Variants in NAXD observed in about 807,000 individuals in gnomAD.
NAXD encodes the protein ATP-dependent (S)-NAD(P)H-hydrate dehydratase.
Under a neutral mutation model 35.8 loss-of-function variants are expected in NAXD, and 22 were observed. The ratio of observed to expected loss-of-function variants is 0.62; its 90% CI spans 0.44 to 0.88. NAXD has a LOEUF of 0.88. NAXD is among the 40% of genes least tolerant of loss of function. The pLI, the probability that NAXD is intolerant of heterozygous loss-of-function variation, is 0.00. For missense variants in NAXD, 428 were observed against 437.7 expected, an observed-to-expected ratio of 0.98 and a Z score of 0.20; for synonymous variants, 189 against 177.6, an observed-to-expected ratio of 1.06 and a Z score of -0.51.
In NAXD at chr13:110,615,635, G is replaced by A. The variant is rs1886016873; in HGVS notation, c.34G>A (p.Ala12Thr). ...GGGTCCTCGCTGTGGGGCAATCCGG[G>A]CTTGCAGACGAGGTAAGGTCGATTC... ...ALGPRCGAIR[A>T]CRRVLERAFS... The change falls in exon 1 of 10, where the codon GCT becomes ACT. Residue 12 changes from alanine to threonine, a missense_variant. By Grantham distance (58) the Ala-to-Thr change is moderately conservative (BLOSUM62 0). Coordinates refer to ENST00000680254, the MANE Select transcript of NAXD (RefSeq NM_001242882.2). The A allele has an allele frequency of 5.4e-6, 8 of 1,490,052 alleles. No homozygotes were observed. Among genetic ancestry groups the A allele is most frequent in the Non-Finnish European group, 7.1e-6 (8 of 1,125,072 alleles). The allele number at this position is 1,490,052 out of a possible 1,614,324, so 92.3% of individuals were successfully genotyped here.
At chr13:110,626,654 G>A (rs911458984) in intron 4 of NAXD, among the ~76,000 whole-genome samples, 4 of 152,160 alleles carry the variant, frequency 2.6e-5, no homozygotes, top group African/African-American at 9.7e-5. Flanking sequence ...TGAAGCCGCT[G>A]TTTCCAGACA....
chr13:110,637,062 C>T, intron 8 of NAXD, 67 bp from the exon 9 acceptor site: 1 of 1,532,138 alleles, frequency 6.5e-7, no homozygotes, highest in Non-Finnish European at 8.7e-7. Flanking sequence ...CCTTCCACAC[C>T]CGTGGCTACT....
chr13:110,623,729 G>A (rs530868737), intron 2 of NAXD, among the ~76,000 whole-genome samples: 1 of 152,354 alleles, frequency 6.6e-6, no homozygotes, highest in African/African-American at 2.4e-5. Context: ...CTGGCTGGGC[G>A]CGGTGGCTCA....
Position 110,637,964 on chromosome 13 carries a change from T to C in NAXD, c.840-414T>C, listed in dbSNP as rs563235799. ...TTACTGTTCATTCTGCTGTGTTCACTCGAGTTGCCTCCACCCCTCCCCCAG... is the reference window on the plus strand; with the variant it reads ...TTACTGTTCATTCTGCTGTGTTCACCCGAGTTGCCTCCACCCCTCCCCCAG... On this transcript the variant is annotated intron_variant, in intron 9 of 9. Coordinates refer to ENST00000680254, the MANE Select transcript of NAXD (RefSeq NM_001242882.2). Among the ~76,000 whole-genome samples, 8 of 152,042 alleles carry C rather than the reference T, an allele frequency of 5.3e-5. No individual in the cohort carries two copies. In the East Asian group the frequency reaches 1.6e-3, roughly 29 times the overall value.
At chr13:110,625,342 G>A (rs1490254143) in intron 4 of NAXD, 64 bp downstream of exon 4, 3 of 1,117,850 alleles carry the variant, frequency 2.7e-6, no homozygotes, top group Non-Finnish European at 4.1e-6. Context: ...TGGGGTTTTG[G>A]CACTGACACC....
intron 1 of NAXD, among the ~76,000 whole-genome samples, chr13:110,617,982 C>T (rs1886124664): frequency 6.6e-6 from 1 of 152,116 alleles, no homozygotes; most frequent in East Asian, 1.9e-4. Flanking sequence ...TGCCACATTC[C>T]TCGTGGGCAG....
chr13:110,636,260 T>C (rs576305030), intron 8 of NAXD, among the ~76,000 whole-genome samples: 173 of 152,356 alleles, frequency 1.1e-3, no homozygotes, highest in African/African-American at 4.0e-3. Flanking sequence ...TGCTGAGCTG[T>C]GGGGCTGGAC....
At chr13:110,615,881 G>T (rs746458242) in intron 1 of NAXD, 110 of 959,856 alleles carry the variant, frequency 1.1e-4, no homozygotes, top group Non-Finnish European at 1.5e-4. Context: ...GCGGAGTAGG[G>T]AGAGGACGGA....
At chr13:110,624,446 G>A (rs1461525862) in intron 3 of NAXD, among the ~76,000 whole-genome samples, 167 bp downstream of exon 3, 1 of 152,134 alleles carries the variant, frequency 6.6e-6, no homozygotes, top group African/African-American at 2.4e-5. Flanking sequence ...GCATAAACAA[G>A]ATCACTTCAG....
intron 3 of NAXD, 121 bp downstream of exon 3, chr13:110,624,400 T>G (rs1351282243): frequency 1.5e-6 from 1 of 676,912 alleles, no homozygotes; most frequent in Non-Finnish European, 2.6e-6. Flanking sequence ...TAATCATAGC[T>G]AATAGAAACA....
chr13:110,631,377 CT>C (rs1187332483), intron 5 of NAXD, among the ~76,000 whole-genome samples: 10 of 152,274 alleles, frequency 6.6e-5, no homozygotes, highest in African/African-American at 2.2e-4. Flanking sequence ...TTTGTGCACT[CT>C]TTTGGGTGAA....
At chr13:110,636,026 C>T (rs981782648) in intron 8 of NAXD, among the ~76,000 whole-genome samples, 2 of 152,250 alleles carry the variant, frequency 1.3e-5, no homozygotes, top group African/African-American at 2.4e-5. Flanking sequence ...CAGAAAGCCC[C>T]GAAGCTGATG....
chr13:110,622,383 C>T lies in NAXD; in HGVS notation c.197+17C>T. 1 of 1,612,600 alleles carries T rather than the reference C, an allele frequency of 6.2e-7. No individual in the cohort carries two copies. The highest frequency in any genetic ancestry group is 8.5e-7 in the Non-Finnish European group (1 of 1,178,854). ...CTGTCAGGAGTAAGTAGCTGATGTG[C>T]AGTGTTGGTGTTTAAAAAGTCAGTT... On this transcript the variant is annotated intron_variant, in intron 2 of 9. Coordinates refer to ENST00000680254, the MANE Select transcript of NAXD (RefSeq NM_001242882.2).
rs61734918 is a variant in NAXD, at chr13:110,634,720, C to T, written c.541C>T (p.Arg181Trp). The change falls in exon 7 of 10, where the codon CGG (arginine) becomes TGG (tryptophan). Residue 181 changes from arginine (R) to tryptophan (W), a missense_variant. By Grantham distance (101) the Arg-to-Trp change is moderately radical (BLOSUM62 -3). This residue lies in a region of NAXD where 209 missense variants were observed against 214.6 expected (regional missense o/e 0.97). Transcript: ENST00000680254. ...GCAGCCGGCCCTCATCCATGGCTAC[C>T]GGAAGGCTGTGCTCACTCCCAACCA... ...AQQPALIHGY[R>W]KAVLTPNHVE... is the part of the protein sequence containing the mutation. The T allele has an allele frequency of 8.7e-4, 1,412 of 1,614,122 alleles. 4 individuals carry two copies. The African/African-American group carries it at 9.9e-3, about 11-fold the overall frequency.
intron 5 of NAXD, among the ~76,000 whole-genome samples, chr13:110,633,149 G>C (rs556847925): frequency 6.6e-6 from 1 of 152,310 alleles, no homozygotes; most frequent in African/African-American, 2.4e-5. Context: ...CAGGCATGGC[G>C]GGCTGCAGGT....
At chr13:110,637,835 CAT>C (rs1018667583) in intron 9 of NAXD, 1 of 469,232 alleles carries the variant, frequency 2.1e-6, no homozygotes, top group East Asian at 6.7e-5. Flanking sequence ...CCAGTGGCCT[CAT>C]GTGTCCTCAT....
chr13:110,624,169 T>TTTATTGATCAAGGTATGC, intron 2 of NAXD, 65 bp from the exon 3 acceptor site: 1 of 891,176 alleles, frequency 1.1e-6, no homozygotes. Context: ...TGATAACCTA[T>TTTATTGATCAAGGTATGC]TTATTGATCA....
At position 110,628,610 on chromosome 13, in the gene NAXD, T is replaced by G. The variant is rs769344482; in HGVS notation, c.441+1063T>G. Among the ~76,000 whole-genome samples the G allele has an allele frequency of 5.9e-5, 9 of 152,264 alleles. No individual in the cohort carries two copies. Among genetic ancestry groups the G allele is most frequent in the South Asian group, 4.1e-4 (2 of 4,830 alleles). On this transcript the variant is annotated intron_variant, in intron 5 of 9. Coordinates refer to ENST00000680254, the MANE Select transcript of NAXD (RefSeq NM_001242882.2). The surrounding 1 kb of genome is among the most constrained non-coding windows in gnomAD (Gnocchi z 4.1). Reference sequence around the variant, plus strand: ...ATCTGAGGGGCAGGCAGACGCAGGCTGACACTGCACAGACCAGGAAAAGCG... The same window carrying G: ...ATCTGAGGGGCAGGCAGACGCAGGCGGACACTGCACAGACCAGGAAAAGCG...
chr13:110,625,140 CA>C, intron 3 of NAXD, 49 bp from the exon 4 acceptor site: 1 of 1,385,778 alleles, frequency 7.2e-7, no homozygotes. Context: ...GGCGGGTGGG[CA>C]GCGATGCCGG....
Sources: allele counts gnomAD v4.1 joint callset (sites outside exome capture counted in the v4.1 genomes callset), GRCh38; gene constraint gnomAD v4.1.1; regional missense constraint gnomAD v4.1.1; non-coding constraint Gnocchi (gnomAD v3.1); transcripts MANE v1.5; gene names NCBI Gene and HGNC (gene_info 2026-07-23, HGNC 2026-07-21).